ORC6: variants seen among roughly 807,000 people sequenced by gnomAD.
ORC6 encodes origin recognition complex subunit 6.
In ORC6, 31 loss-of-function variants were observed where a neutral mutation model predicts 30.0. That is an observed-to-expected ratio of 1.03 (90% CI 0.78 to 1.40). The LOEUF (loss-of-function observed/expected upper bound fraction) is 1.40, where lower values mean the gene tolerates loss of function less well. Ranked by LOEUF, ORC6 falls within the 40% of genes most tolerant of loss-of-function variation. The pLI is 0.00. For missense variants in ORC6, 340 were observed against 304.3 expected, an observed-to-expected ratio of 1.12 and a Z score of -0.87; for synonymous variants, 136 against 111.2, an observed-to-expected ratio of 1.22 and a Z score of -1.40.
At chr16:46,691,205 A>C in intron 2 of ORC6, 85 bp downstream of exon 2, 2 of 1,312,932 alleles carry the variant, frequency 1.5e-6, no homozygotes, top group South Asian at 2.4e-5. Context: ...CCCTAGTAAA[A>C]ACTCTTGTTT....
intron 2 of ORC6, among the ~76,000 whole-genome samples, chr16:46,691,325 G>A (rs1349158175): frequency 6.6e-6 from 1 of 152,146 alleles, no homozygotes; most frequent in Non-Finnish European, 1.5e-5. Context: ...TGTTTTCCCT[G>A]ACCACCTCTT....
chr16:46,692,325 A>G, intron 2 of ORC6, 57 bp from the exon 3 acceptor site: 5 of 1,383,478 alleles, frequency 3.6e-6, no homozygotes, highest in South Asian at 1.2e-5. Context: ...GTTTAAGGGT[A>G]CTAATATATA....
intron 1 of ORC6, 68 bp downstream of exon 1, chr16:46,689,838 C>T (rs757473814): frequency 1.9e-4 from 280 of 1,488,842 alleles, no homozygotes; most frequent in Non-Finnish European, 2.4e-4. Flanking sequence ...AGGTGAGGCC[C>T]GCGCCCTTCC....
At chr16:46,693,498 A>ATT in intron 4 of ORC6, 1 of 402,516 alleles carries the variant, frequency 2.5e-6, no homozygotes, top group Non-Finnish European at 4.6e-6. Context: ...TTCTGCTCAT[A>ATT]TTTTTTAAAA....
chr16:46,696,812 C>T (rs1966522594), intron 6 of ORC6, among the ~76,000 whole-genome samples: 1 of 152,026 alleles, frequency 6.6e-6, no homozygotes, highest in African/African-American at 2.4e-5. Context: ...TGTGCTACCA[C>T]ACCTGGCTAA....
chr16:46,690,889 G>A lies in ORC6; in HGVS notation c.66-102G>A, dbSNP rs1422386438. ...AGCCCCAGATAAACGAGCCACAGGAGTTAGGCTTAGTGTGAAGCTAACCAG... is the reference window on the plus strand; with the variant it reads ...AGCCCCAGATAAACGAGCCACAGGAATTAGGCTTAGTGTGAAGCTAACCAG... On this transcript the variant is annotated intron_variant, in intron 1 of 6. Transcript: ENST00000219097. 4.8e-6 allele frequency: 6 copies of A among 1,244,050 alleles called. No homozygotes were observed. The Admixed American group carries it at 5.1e-5, about 11-fold the overall frequency. 77.1% of individuals were successfully genotyped at this position (1,244,050 alleles called of 1,614,324 possible).
rs1596736510 is a variant in ORC6 at position 46,695,433 on chromosome 16, A to G, written c.450-129A>G. 5.9e-6 allele frequency: 4 copies of G among 677,772 alleles called. No individual in the cohort carries two copies. In the East Asian group the frequency reaches 8.1e-5, roughly 14 times the overall value. 42.0% of individuals were successfully genotyped at this position (677,772 alleles called of 1,614,324 possible). A position where few individuals can be genotyped will look rare whatever the true frequency, so the allele number is the denominator to read the frequency against. On this transcript the variant is annotated intron_variant, in intron 4 of 6. Transcript: ENST00000219097. ...TTAGCATAGATAATAACATGTTTGG[A>G]ATGAAGGAAAAAAACTAGACAGAGG...
rs1567276019 is a variant in ORC6 at position 46,698,160 on chromosome 16, T to TATAGATAGATAGATAGATGG, written c.*593_*594insGGATAGATAGATAGATAGAT. 7 of 368,878 alleles carry TATAGATAGATAGATAGATGG rather than the reference T, an allele frequency of 1.9e-5. No homozygotes were observed. Among genetic ancestry groups the TATAGATAGATAGATAGATGG allele is most frequent in the African/African-American group, 1.2e-4 (4 of 33,892 alleles). The allele number at this position is 368,878 out of a possible 1,614,324, so 22.9% of individuals were successfully genotyped here. A position where few individuals can be genotyped will look rare whatever the true frequency, so the allele number is the denominator to read the frequency against. ...CCAGCCTGGGTGACAGAGCGAGACT[T>TATAGATAGATAGATAGATGG]ATAGATAGATAGATAGATAGATGGA... On this transcript the variant is annotated 3_prime_UTR_variant, in exon 7 of 7. Coordinates refer to ENST00000219097, the MANE Select transcript of ORC6 (RefSeq NM_014321.4).
chr16:46,696,296 C>A, intron 6 of ORC6: 1 of 588,294 alleles, frequency 1.7e-6, no homozygotes, highest in South Asian at 1.9e-5. Context: ...TGGCTTATTC[C>A]TGTAATCCCA....
chr16:46,696,909 C>T (rs1966523413), intron 6 of ORC6, among the ~76,000 whole-genome samples: 1 of 152,206 alleles, frequency 6.6e-6, no homozygotes, highest in African/African-American at 2.4e-5. Context: ...GCCCCCTTCA[C>T]CTCCCAAAGT....
At chr16:46,697,311 C>T in intron 6 of ORC6, 147 bp from the exon 7 acceptor site, 1 of 694,660 alleles carries the variant, frequency 1.4e-6, no homozygotes, top group Admixed American at 2.7e-5. Flanking sequence ...ATTACAAGAC[C>T]CCATCTCAAA....
In ORC6 at chr16:46,698,108, TATCTC is replaced by T. The variant is rs771000749; in HGVS notation, c.*526_*530del. On this transcript the variant is annotated 3_prime_UTR_variant, in exon 7 of 7. Transcript: ENST00000219097. ...CCAGCCTGGGTGACAGAGCGAGACT[TATCTC>T]ATAAATAAATAGATAGATACTCCAG... 12 of 434,214 alleles carry T rather than the reference TATCTC, an allele frequency of 2.8e-5. No individual in the cohort carries two copies. The highest frequency in any genetic ancestry group is 8.1e-5 in the African/African-American group (4 of 49,334). 26.9% of individuals were successfully genotyped at this position (434,214 alleles called of 1,614,324 possible).
intron 1 of ORC6, among the ~76,000 whole-genome samples, chr16:46,690,231 A>G (rs1966418064): frequency 6.6e-6 from 1 of 152,220 alleles, no homozygotes; most frequent in African/African-American, 2.4e-5. Flanking sequence ...CAAAACTCGG[A>G]AAAGCAGGCG....
rs888334791 is a variant in ORC6, at chr16:46,697,999, C to T, written c.*414C>T. On this transcript the variant is annotated 3_prime_UTR_variant, in exon 7 of 7. Coordinates refer to ENST00000219097, the MANE Select transcript of ORC6 (RefSeq NM_014321.4). ...GTGTGATGGTGCATGCCTGTAATCC[C>T]AGCTCCTCAGTAGGCTGAGACAGGA... 7.1e-6 allele frequency: 3 copies of T among 419,678 alleles called. No homozygotes were observed. Among genetic ancestry groups the T allele is most frequent in the Non-Finnish European group, 1.4e-5 (3 of 207,364 alleles). The allele number at this position is 419,678 out of a possible 1,614,324, so 26.0% of individuals were successfully genotyped here.
At chr16:46,693,407 A>G (rs1015273286) in intron 4 of ORC6, 58 of 582,056 alleles carry the variant, frequency 1.0e-4, no homozygotes, top group African/African-American at 8.8e-4. Flanking sequence ...GCAGCTGTAT[A>G]TATATGCTGG....
At chr16:46,692,636 A>C in intron 3 of ORC6, 91 bp downstream of exon 3, 2 of 1,115,910 alleles carry the variant, frequency 1.8e-6, no homozygotes, top group Middle Eastern at 2.9e-4. Flanking sequence ...TTGGGAGGCC[A>C]AGTTGGGTGG....
Position 46,695,490 on chromosome 16 carries a change from T to C in ORC6, c.450-72T>C, listed in dbSNP as rs902939162. On this transcript the variant is annotated intron_variant, in intron 4 of 6. Coordinates refer to ENST00000219097, the MANE Select transcript of ORC6 (RefSeq NM_014321.4). ...AAGCATGGTCAAAAAGAAAATAAGT[T>C]GATTATCTGGTTGCCCAGAGAAGAA... The C allele has an allele frequency of 9.9e-6, 9 of 908,092 alleles. No individual in the cohort carries two copies. The African/African-American group carries it at 1.5e-4, about 15-fold the overall frequency. 56.3% of individuals were successfully genotyped at this position (908,092 alleles called of 1,614,324 possible).
chr16:46,690,259 G>T (rs1966418798), intron 1 of ORC6, among the ~76,000 whole-genome samples: 1 of 152,214 alleles, frequency 6.6e-6, no homozygotes, highest in African/African-American at 2.4e-5. Flanking sequence ...CGCTGAGGCC[G>T]GATTGATGGC....
intron 3 of ORC6, among the ~76,000 whole-genome samples, chr16:46,692,810 G>T (rs1966461458): frequency 6.6e-6 from 1 of 152,186 alleles, no homozygotes; most frequent in South Asian, 2.1e-4. Flanking sequence ...GGAGGTTGCA[G>T]TAAGCCGAGA....
Sources: gnomAD v4.1 joint callset for allele counts (sites outside exome capture counted in the v4.1 genomes callset) on GRCh38, gnomAD v4.1.1 for gene constraint, MANE v1.5 for transcripts, NCBI Gene and HGNC (gene_info 2026-07-23, HGNC 2026-07-21) for gene names.